The following ZNF696 variants were observed in gnomAD, a reference collection of about 807,000 sequenced individuals.
The protein encoded by ZNF696 is zinc finger protein 696.
ZNF696 carries 10 observed loss-of-function variants against 12.3 expected under a neutral mutation model. The ratio of observed to expected loss-of-function variants is 0.81; its 90% CI spans 0.50 to 1.38. ZNF696 has a LOEUF of 1.38. Ranked by LOEUF, ZNF696 falls within the 40% of genes most tolerant of loss-of-function variation. The pLI is 0.00. For synonymous variants in ZNF696, 304 were observed against 243.9 expected, an observed-to-expected ratio of 1.25 and a Z score of -2.29; for missense variants, 675 against 554.7, an observed-to-expected ratio of 1.22 and a Z score of -2.18.
In ZNF696 at chr8:143,297,011, G is replaced by A. The variant is rs1041930627; in HGVS notation, c.*211G>A. The A allele has an allele frequency of 6.2e-6, 3 of 486,508 alleles. No homozygotes were observed. In the Admixed American group the frequency reaches 1.3e-4, roughly 22 times the overall value. 30.1% of individuals were successfully genotyped at this position (486,508 alleles called of 1,614,324 possible). A position where few individuals can be genotyped will look rare whatever the true frequency, so the allele number is the denominator to read the frequency against. On this transcript the variant is annotated 3_prime_UTR_variant, in exon 3 of 3. Coordinates refer to ENST00000330143, the MANE Select transcript of ZNF696 (RefSeq NM_030895.3). Reference sequence around the variant, plus strand: ...TCGGGGAAGGCGAGCGCTGCCCGCGGGAGGCGATTCCCAGAGGCGGGGAGG... The same window carrying A: ...TCGGGGAAGGCGAGCGCTGCCCGCGAGAGGCGATTCCCAGAGGCGGGGAGG...
At position 143,296,470 on chromosome 8, in the gene ZNF696, C is replaced by T. The variant is rs777236773; in HGVS notation, c.795C>T (p.Tyr265=). The change falls in exon 3 of 3, where the codon TAC becomes TAT. Residue 265 remains tyrosine (Y), a synonymous_variant. Coordinates refer to ENST00000330143, the MANE Select transcript of ZNF696 (RefSeq NM_030895.3). ...HRRTHHGENP[Y]ECRECGQAFS... is the part of the protein sequence containing the mutation. Reference sequence around the variant, plus strand: ...GGACCCACCACGGGGAGAACCCGTACGAGTGCCGGGAGTGCGGCCAGGCCT... The same window carrying T: ...GGACCCACCACGGGGAGAACCCGTATGAGTGCCGGGAGTGCGGCCAGGCCT... The T allele has an allele frequency of 2.5e-6, 4 of 1,608,632 alleles. No individual in the cohort carries two copies. Among genetic ancestry groups the T allele is most frequent in the Non-Finnish European group, 3.4e-6 (4 of 1,179,020 alleles).
intron 2 of ZNF696, chr8:143,295,276 C>T: frequency 2.2e-6 from 1 of 451,666 alleles, no homozygotes; most frequent in South Asian, 1.6e-5. Flanking sequence ...CTGTCCCCTC[C>T]CCTCCCAGGA....
Position 143,299,359 on chromosome 8 carries a change from G to A in ZNF696, c.*2559G>A, listed in dbSNP as rs548864201. 6.6e-6 allele frequency among the ~76,000 whole-genome samples: 1 copy of A among 152,232 alleles called. No homozygotes were observed. The highest frequency in any genetic ancestry group is 1.5e-5 in the Non-Finnish European group (1 of 68,038). On this transcript the variant is annotated 3_prime_UTR_variant, in exon 3 of 3. Coordinates refer to ENST00000330143, the MANE Select transcript of ZNF696 (RefSeq NM_030895.3). ...ACCCTCCGGTTGTTGGGAAGAGGGTGTAAGATAGTGTTTAATTTGACTTTG... is the reference window on the plus strand; with the variant it reads ...ACCCTCCGGTTGTTGGGAAGAGGGTATAAGATAGTGTTTAATTTGACTTTG...
rs1342169887 is a variant in ZNF696 at position 143,295,368 on chromosome 8, AT to A, written c.65-365del. ...TCTGTTTGTATATTTTTAAAATTCT[AT>A]TTTTTTAAGAGACAGGATCTCACTA... On this transcript the variant is annotated intron_variant, in intron 2 of 2. Coordinates refer to ENST00000330143, the MANE Select transcript of ZNF696 (RefSeq NM_030895.3). The A allele has an allele frequency of 6.0e-6, 3 of 503,168 alleles. No individual in the cohort carries two copies. The Admixed American group carries it at 6.8e-5, about 11-fold the overall frequency. The allele number at this position is 503,168 out of a possible 1,614,324, so 31.2% of individuals were successfully genotyped here.
chr8:143,294,549 T>C (rs1815676582), intron 2 of ZNF696, among the ~76,000 whole-genome samples: 1 of 151,916 alleles, frequency 6.6e-6, no homozygotes, highest in African/African-American at 2.4e-5. Context: ...CCCAGCTAAT[T>C]TTTGTATTTT....
In ZNF696 at chr8:143,298,269, T is replaced by C. The variant is rs528641966; in HGVS notation, c.*1469T>C. 7.2e-5 allele frequency among the ~76,000 whole-genome samples: 11 copies of C among 152,308 alleles called. No individual in the cohort carries two copies. The highest frequency in any genetic ancestry group is 3.4e-3 in the Middle Eastern group (1 of 294). On this transcript the variant is annotated 3_prime_UTR_variant, in exon 3 of 3. Coordinates refer to ENST00000330143, the MANE Select transcript of ZNF696 (RefSeq NM_030895.3). ...GGCTGCCGCTTCCAAGACAGTCGCT[T>C]TGAGGGCTCTTGGCACCGATTTTGT... is the stretch of plus-strand genomic sequence containing the variant.
chr8:143,299,244 T>C lies in ZNF696; in HGVS notation c.*2444T>C, dbSNP rs1030896225. ...TGGCAAGCAAATAAAATTATAAATA[T>C]GAATACATATGTATATATAAAAGAA... On this transcript the variant is annotated 3_prime_UTR_variant, in exon 3 of 3. Transcript: ENST00000330143. Among the ~76,000 whole-genome samples, 2 of 152,114 alleles carry C rather than the reference T, an allele frequency of 1.3e-5. No individual in the cohort carries two copies.
At position 143,293,306 on chromosome 8, in the gene ZNF696, G is replaced by A. The variant is rs1815655777; in HGVS notation, c.64+241G>A. On this transcript the variant is annotated intron_variant, in intron 2 of 2. Transcript: ENST00000330143. The stretch of plus-strand genomic sequence containing the variant: ...TCTGGCAGCCCCAGGCTCTGCCTCT[G>A]GGAAGGTCTCTCTCTCAGTGCTTCT... 1.2e-5 allele frequency: 7 copies of A among 577,986 alleles called. No individual in the cohort carries two copies. In the East Asian group the frequency reaches 2.0e-4, roughly 16 times the overall value. The allele number at this position is 577,986 out of a possible 1,614,324, so 35.8% of individuals were successfully genotyped here.
rs1462400494 is a variant in ZNF696 at position 143,299,497 on chromosome 8, C to T, written c.*2697C>T. Reference sequence around the variant, plus strand: ...AAACACTGTGATTTAAAATGTAGTCCCAGCTGCTTGGGAGACTGAGGCAGG... The same window carrying T: ...AAACACTGTGATTTAAAATGTAGTCTCAGCTGCTTGGGAGACTGAGGCAGG... On this transcript the variant is annotated 3_prime_UTR_variant, in exon 3 of 3. Coordinates refer to ENST00000330143, the MANE Select transcript of ZNF696 (RefSeq NM_030895.3). 1.4e-5 allele frequency among the ~76,000 whole-genome samples: 2 copies of T among 143,056 alleles called. No homozygotes were observed. Among genetic ancestry groups the T allele is most frequent in the African/African-American group, 6.1e-5 (2 of 32,770 alleles). The allele number at this position is 143,056 out of a possible 152,430, so 93.9% of individuals were successfully genotyped here.
chr8:143,295,581 A>C (rs1815694162), intron 2 of ZNF696, 159 bp from the exon 3 acceptor site: 13 of 833,664 alleles, frequency 1.6e-5, no homozygotes, highest in Non-Finnish European at 2.4e-5. Context: ...GAAAAAAACT[A>C]AAAAAAACGA....
rs573221891 is a variant in ZNF696 at position 143,298,989 on chromosome 8, A to C, written c.*2189A>C. Reference sequence around the variant, plus strand: ...ACCCTGGCCAACATGGCAAAACCCCATTTCTACTAAAAATACAAAATTAGC... The same window carrying C: ...ACCCTGGCCAACATGGCAAAACCCCCTTTCTACTAAAAATACAAAATTAGC... On this transcript the variant is annotated 3_prime_UTR_variant, in exon 3 of 3. Transcript: ENST00000330143. Among the ~76,000 whole-genome samples the C allele has an allele frequency of 1.3e-5, 2 of 152,156 alleles. No homozygotes were observed. Among genetic ancestry groups the C allele is most frequent in the East Asian group, 3.9e-4 (2 of 5,172 alleles).
chr8:143,293,346 T>C (rs1815656675), intron 2 of ZNF696: 1 of 543,350 alleles, frequency 1.8e-6, no homozygotes. Context: ...CTTGGCACCG[T>C]GGCTGTTTTG....
chr8:143,291,943 T>C (rs917625515), intron 1 of ZNF696, among the ~76,000 whole-genome samples, 176 bp downstream of exon 1: 1 of 151,492 alleles, frequency 6.6e-6, no homozygotes, highest in Non-Finnish European at 1.5e-5. Context: ...TAAATTAAAT[T>C]TACTAATTAA....
rs771424178 is a variant in ZNF696, at chr8:143,296,623, C to A, written c.948C>A (p.Thr316=). Residue 316 remains threonine (T), a synonymous_variant, in exon 3 of 3, where the codon ACC becomes ACA. Transcript: ENST00000330143. ...TCCGCGAGCACCGCCGCATCCACAC[C>A]GGGGAGAAGCCCCACCAGTGCGGCC... ...SFLREHRRIH[T]GEKPHQCGHC... is the part of the protein sequence containing the mutation. 1.3e-6 allele frequency: 2 copies of A among 1,585,352 alleles called. No individual in the cohort carries two copies. Among genetic ancestry groups the A allele is most frequent in the Admixed American group, 1.7e-5 (1 of 58,020 alleles).
At chr8:143,294,176 A>C (rs1815669914) in intron 2 of ZNF696, among the ~76,000 whole-genome samples, 1 of 151,640 alleles carries the variant, frequency 6.6e-6, no homozygotes. Context: ...CCAGGGTTTC[A>C]CCCCTACCCC....
chr8:143,296,446 G>C lies in ZNF696; in HGVS notation c.771G>C (p.Arg257=). The stretch of plus-strand genomic sequence containing the variant: ...GCTCGAACGTGGTCCGGCACCGGCG[G>C]ACCCACCACGGGGAGAACCCGTACG... The part of the protein sequence containing the change: ...LHSSNVVRHR[R]THHGENPYEC... The change falls in exon 3 of 3, where the codon CGG becomes CGC. Residue 257 remains arginine (R), a synonymous_variant. Coordinates refer to ENST00000330143, the MANE Select transcript of ZNF696 (RefSeq NM_030895.3). 1 of 1,606,484 alleles carries C rather than the reference G, an allele frequency of 6.2e-7. No individual in the cohort carries two copies. Among genetic ancestry groups the C allele is most frequent in the Admixed American group, 1.7e-5 (1 of 59,684 alleles).
intron 2 of ZNF696, among the ~76,000 whole-genome samples, chr8:143,294,714 A>G (rs1340366445): frequency 6.6e-6 from 1 of 152,028 alleles, no homozygotes; most frequent in Non-Finnish European, 1.5e-5. Flanking sequence ...TTTGCACATA[A>G]CAGAAGCCCT....
At chr8:143,295,487 C>A (rs1815692013) in intron 2 of ZNF696, 1 of 686,788 alleles carries the variant, frequency 1.5e-6, no homozygotes, top group Non-Finnish European at 2.7e-6. Context: ...GTCACCACAT[C>A]CGGCCCCACA....
In ZNF696 at chr8:143,295,864, G is replaced by T. The variant is rs1270889938; in HGVS notation, c.189G>T (p.Gly63=). The change falls in exon 3 of 3, where the codon GGG becomes GGT. Residue 63 remains glycine (G), a synonymous_variant. Coordinates refer to ENST00000330143, the MANE Select transcript of ZNF696 (RefSeq NM_030895.3). Reference sequence around the variant, plus strand: ...CCGAGGGAGAGGGCCACAGAGGGGGGCCTCCCCGGGCGTTGGGGTCTCTTG... The same window carrying T: ...CCGAGGGAGAGGGCCACAGAGGGGGTCCTCCCCGGGCGTTGGGGTCTCTTG... ...GAPEGEGHRG[G]PPRALGSLGL... 1.3e-6 allele frequency: 2 copies of T among 1,569,496 alleles called. No individual in the cohort carries two copies. Among genetic ancestry groups the T allele is most frequent in the Non-Finnish European group, 1.7e-6 (2 of 1,156,368 alleles).
Sources: allele counts gnomAD v4.1 joint callset (sites outside exome capture counted in the v4.1 genomes callset), GRCh38; gene constraint gnomAD v4.1.1; transcripts MANE v1.5; gene names NCBI Gene and HGNC (gene_info 2026-07-23, HGNC 2026-07-21).